SIRPD: variants seen among roughly 807,000 people sequenced by gnomAD.
The protein encoded by SIRPD is signal regulatory protein delta.
Under a neutral mutation model 18.0 loss-of-function variants are expected in SIRPD, and 21 were observed. That is an observed-to-expected ratio of 1.17 (90% confidence interval 0.83 to 1.68). SIRPD has a LOEUF of 1.68. Ranked by LOEUF, SIRPD falls within the 40% of genes most tolerant of loss-of-function variation. SIRPD has a pLI of 0.00. For missense variants in SIRPD, 295 were observed against 238.4 expected (o/e 1.24, Z -1.56); for synonymous variants, 106 against 92.9 (o/e 1.14, Z -0.81).
At chr20:1,549,240 T>C (rs553917543) in intron 2 of SIRPD, among the ~76,000 whole-genome samples, 1 of 152,222 alleles carries the variant, frequency 6.6e-6, no homozygotes, top group Non-Finnish European at 1.5e-5. Flanking sequence ...CATTATCATG[T>C]TACTTTCTTG....
intron 1 of SIRPD, among the ~76,000 whole-genome samples, chr20:1,557,122 G>A (rs6110455): frequency 0.022 from 3,413 of 152,074 alleles, 103 homozygotes; most frequent in African/African-American, 0.077. Flanking sequence ...GCATGGTGGC[G>A]CGTGCTTGTA....
At position 1,555,821 on chromosome 20, in the gene SIRPD, C is replaced by T. The variant is rs1264978494; in HGVS notation, c.73+1760G>A. Among the ~76,000 whole-genome samples the T allele has an allele frequency of 2.0e-5, 3 of 152,150 alleles. No individual in the cohort carries two copies. In the East Asian group the frequency reaches 5.8e-4, roughly 29 times the overall value. On this transcript the variant is annotated intron_variant, in intron 1 of 3. Coordinates refer to ENST00000381623, the MANE Select transcript of SIRPD (RefSeq NM_178460.3). ...TATTAATTATTTCACAATTTTTGTC[C>T]ATTTGTAATTCAGATATAGCTTAGC...
At chr20:1,547,804 T>C (rs2091000098) in intron 2 of SIRPD, among the ~76,000 whole-genome samples, 1 of 152,342 alleles carries the variant, frequency 6.6e-6, no homozygotes, top group Admixed American at 6.5e-5. Context: ...TTTGTTTAGA[T>C]CTTCTTTCAT....
At chr20:1,546,527 A>T (rs183181889) in intron 2 of SIRPD, among the ~76,000 whole-genome samples, 1 of 152,286 alleles carries the variant, frequency 6.6e-6, no homozygotes, top group East Asian at 1.9e-4. Context: ...CCTTTCAGAT[A>T]GTGTGAATGC....
At chr20:1,543,881 C>A (rs1256474239) in intron 2 of SIRPD, among the ~76,000 whole-genome samples, 1 of 152,206 alleles carries the variant, frequency 6.6e-6, no homozygotes, top group Non-Finnish European at 1.5e-5. Context: ...ACCCAGTAGT[C>A]ATTCAGGAGC....
At chr20:1,536,931 A>G (rs1008897904) in intron 3 of SIRPD, among the ~76,000 whole-genome samples, 8 of 152,190 alleles carry the variant, frequency 5.3e-5, no homozygotes, top group South Asian at 2.1e-4. Context: ...ATGGGAGAGA[A>G]AGCAACCCCT....
intron 1 of SIRPD, among the ~76,000 whole-genome samples, chr20:1,554,494 A>G (rs548780298): frequency 6.6e-6 from 1 of 152,296 alleles, no homozygotes; most frequent in African/African-American, 2.4e-5. Flanking sequence ...TAGGAGAATG[A>G]CACTTTCCTT....
intron 3 of SIRPD, among the ~76,000 whole-genome samples, chr20:1,536,429 G>A (rs188235477): frequency 1.3e-4 from 19 of 143,198 alleles, no homozygotes; most frequent in African/African-American, 4.6e-4. Context: ...TAATGCCTGT[G>A]CTTTTAACCA....
At chr20:1,535,779 GCT>G (rs2090942538) in intron 3 of SIRPD, among the ~76,000 whole-genome samples, 2 of 152,088 alleles carry the variant, frequency 1.3e-5, no homozygotes, top group Non-Finnish European at 1.5e-5. Context: ...CCTCCCTGAG[GCT>G]CTGTTTTCTT....
At chr20:1,544,451 TTTG>T (rs1056763225) in intron 2 of SIRPD, among the ~76,000 whole-genome samples, 6 of 151,762 alleles carry the variant, frequency 4.0e-5, no homozygotes, top group Admixed American at 2.6e-4. Context: ...TTTTTTTTTT[TTTG>T]CTTTCCATTT....
At position 1,557,633 on chromosome 20, in the gene SIRPD, T is replaced by A. The variant is rs140285112; in HGVS notation, c.21A>T (p.Pro7=). ...GTAAGGAAGGCAGAGGTGGGTGGAG[T>A]GGGGAGGCAGGGATGGGCATTGTGG... MPIPAS[P]LHPPLPSLLL... Residue 7 remains proline (P), a synonymous_variant, in exon 1 of 4, where the codon CCA becomes CCT. Coordinates refer to ENST00000381623, the MANE Select transcript of SIRPD (RefSeq NM_178460.3). The A allele has an allele frequency of 4.2e-3, 6,669 of 1,606,270 alleles. 94 individuals carry two copies. The highest frequency in any genetic ancestry group is 3.0e-3 in the Non-Finnish European group (3,580 of 1,176,422).
intron 1 of SIRPD, among the ~76,000 whole-genome samples, chr20:1,556,509 G>A (rs1487765944): frequency 6.6e-6 from 1 of 152,196 alleles, no homozygotes. Flanking sequence ...CGAAATATAT[G>A]TTGAAGTCTT....
intron 1 of SIRPD, among the ~76,000 whole-genome samples, chr20:1,556,377 T>A (rs1040870936): frequency 6.6e-6 from 1 of 152,244 alleles, no homozygotes; most frequent in Non-Finnish European, 1.5e-5. Context: ...GGAAGCTTTA[T>A]AGTTACCCTT....
At chr20:1,549,277 T>A (rs1250862400) in intron 2 of SIRPD, among the ~76,000 whole-genome samples, 1 of 152,208 alleles carries the variant, frequency 6.6e-6, no homozygotes, top group African/African-American at 2.4e-5. Context: ...GTTTGTTTAA[T>A]CATGTTTCTT....
At chr20:1,554,786 C>A (rs138584503) in intron 1 of SIRPD, among the ~76,000 whole-genome samples, 2 of 152,284 alleles carry the variant, frequency 1.3e-5, no homozygotes, top group African/African-American at 4.8e-5. Flanking sequence ...CCAGAGTAAA[C>A]ACTGAGGCAT....
At position 1,557,054 on chromosome 20, in the gene SIRPD, A is replaced by G. The variant is rs112830962; in HGVS notation, c.73+527T>C. Among the ~76,000 whole-genome samples the G allele has an allele frequency of 9.1e-3, 1,390 of 152,220 alleles. 21 individuals carry two copies. The highest frequency in any genetic ancestry group is 0.033 in the African/African-American group (1,357 of 41,522). ...GAACTCTTGAGCTCATAAGTTTGAG[A>G]CCAGCCTGGGCAACATGGTGAAACC... On this transcript the variant is annotated intron_variant, in intron 1 of 3. Transcript: ENST00000381623.
intron 2 of SIRPD, 88 bp from the exon 3 acceptor site, chr20:1,537,398 C>T: frequency 7.2e-7 from 1 of 1,398,560 alleles, no homozygotes; most frequent in Non-Finnish European, 9.8e-7. Flanking sequence ...ATGACCGTTC[C>T]AGTTTCTAGA....
In SIRPD at chr20:1,552,977, T is replaced by A. The variant is rs137883330; in HGVS notation, c.74-939A>T. On this transcript the variant is annotated intron_variant, in intron 1 of 3. Coordinates refer to ENST00000381623, the MANE Select transcript of SIRPD (RefSeq NM_178460.3). ...CCTGGTAGAACTGAGGGACACCTAA[T>A]ACCACTGTATTTCATGACGTTAATT... 1.9e-3 allele frequency among the ~76,000 whole-genome samples: 285 copies of A among 152,280 alleles called. 2 individuals carry two copies. The highest frequency in any genetic ancestry group is 3.8e-3 in the Admixed American group (58 of 15,300).
chr20:1,547,983 G>A (rs1374559082), intron 2 of SIRPD, among the ~76,000 whole-genome samples: 1 of 152,128 alleles, frequency 6.6e-6, no homozygotes, highest in African/African-American at 2.4e-5. Context: ...GTTTTTTAGT[G>A]GGTTCCTTAG....
Sources: gnomAD v4.1 joint callset for allele counts (sites outside exome capture counted in the v4.1 genomes callset) on GRCh38, gnomAD v4.1.1 for gene constraint, MANE v1.5 for transcripts, NCBI Gene and HGNC (gene_info 2026-07-23, HGNC 2026-07-21) for gene names.